Variants in ASTN2 observed in about 807,000 individuals in gnomAD.
The protein encoded by ASTN2 is astrotactin 2, also known as astrotactin-2.
A neutral mutation model predicts 139.8 loss-of-function variants in ASTN2; 54 were observed. The ratio of observed to expected loss-of-function variants is 0.39; its 90% CI spans 0.31 to 0.48. ASTN2 has a LOEUF of 0.48. Among genes scored for constraint, ASTN2 ranks in the 20% least tolerant of loss-of-function variants. The pLI is 0.95. For synonymous variants in ASTN2, 756 were observed against 719.5 expected, an observed-to-expected ratio of 1.05 and a Z score of -0.81; for missense variants, 1,565 against 1,725.1, an observed-to-expected ratio of 0.91 and a Z score of 1.64.
chr9:116,545,565 CCA>C (rs1852057692), intron 19 of ASTN2, among the ~76,000 whole-genome samples: 1 of 152,142 alleles, frequency 6.6e-6, no homozygotes, highest in Non-Finnish European at 1.5e-5. Context: ...TGAGGTCTAA[CCA>C]CAGTTTCCTT....
chr9:116,985,436 C>T (rs1352146681), intron 7 of ASTN2, among the ~76,000 whole-genome samples: 1 of 152,204 alleles, frequency 6.6e-6, no homozygotes, highest in Non-Finnish European at 1.5e-5. Context: ...CTCATGTGGA[C>T]AGTCCATACG....
intron 1 of ASTN2, among the ~76,000 whole-genome samples, chr9:117,372,000 C>T (rs149076187): frequency 3.2e-4 from 49 of 152,268 alleles, no homozygotes; most frequent in Non-Finnish European, 5.9e-4. Context: ...CTTCCCTTCT[C>T]TCATTTGTGA....
intron 1 of ASTN2, among the ~76,000 whole-genome samples, chr9:117,299,135 AAAC>A (rs1285069728): frequency 6.6e-6 from 1 of 152,206 alleles, no homozygotes; most frequent in Non-Finnish European, 1.5e-5. Context: ...GTATGTGTAT[AAAC>A]AGCTGGAAAA....
intron 19 of ASTN2, among the ~76,000 whole-genome samples, chr9:116,604,571 T>C (rs1226925031): frequency 6.6e-6 from 1 of 152,148 alleles, no homozygotes; most frequent in African/African-American, 2.4e-5. Flanking sequence ...GTTTCTCAGA[T>C]GAACAGCATG....
chr9:116,482,251 G>A (rs572680411), intron 20 of ASTN2, among the ~76,000 whole-genome samples: 2 of 152,136 alleles, frequency 1.3e-5, no homozygotes, highest in African/African-American at 2.4e-5. Flanking sequence ...GCGTGAACCC[G>A]GGAGGTGGAG....
At chr9:117,344,145 C>T (rs1019776082) in intron 1 of ASTN2, among the ~76,000 whole-genome samples, 6 of 151,806 alleles carry the variant, frequency 4.0e-5, no homozygotes, top group East Asian at 1.9e-4. Context: ...GCCTGAAAAA[C>T]GATGCCAGAA....
chr9:117,324,229 C>A (rs1010995179), intron 1 of ASTN2, among the ~76,000 whole-genome samples: 6 of 152,102 alleles, frequency 3.9e-5, no homozygotes, highest in African/African-American at 1.4e-4. Flanking sequence ...AAAAGTGTTC[C>A]AGCCAAGGTG....
At chr9:117,196,238 C>T (rs1225579368) in intron 3 of ASTN2, among the ~76,000 whole-genome samples, 1 of 152,126 alleles carries the variant, frequency 6.6e-6, no homozygotes, top group Non-Finnish European at 1.5e-5. Flanking sequence ...TTAGTACACA[C>T]CTCATAGGGT....
intron 19 of ASTN2, chr9:116,585,200 C>T (rs1854099937): frequency 6.6e-6 from 1 of 152,166 alleles, no homozygotes; most frequent in Admixed American, 6.5e-5. Flanking sequence ...TCAGATAGAC[C>T]TGGATTCAAA....
At position 117,103,877 on chromosome 9, in the gene ASTN2, T is replaced by C. The variant is rs115359369; in HGVS notation, c.1169-7726A>G. Among the ~76,000 whole-genome samples, 614 of 152,204 alleles carry C rather than the reference T, an allele frequency of 4.0e-3. 5 individuals are homozygous for C. Among genetic ancestry groups the C allele is most frequent in the African/African-American group, 0.014 (593 of 41,528 alleles). ...TCCCACACCCCCTATACCACACAAC[T>C]CACAATTGCTCTGAGCTCTAGAGCT... On this transcript the variant is annotated intron_variant, in intron 4 of 22. Coordinates refer to ENST00000313400, the MANE Select transcript of ASTN2 (RefSeq NM_001365068.1).
At chr9:116,456,227 A>G (rs1055971970) in intron 20 of ASTN2, among the ~76,000 whole-genome samples, 4 of 152,188 alleles carry the variant, frequency 2.6e-5, no homozygotes, top group African/African-American at 9.6e-5. Flanking sequence ...AATAATGAAC[A>G]GTCTGAAAAA....
chr9:117,208,984 C>T (rs1217138051), intron 3 of ASTN2, among the ~76,000 whole-genome samples: 4 of 152,106 alleles, frequency 2.6e-5, no homozygotes, highest in South Asian at 4.1e-4. Context: ...TGAAGTCTTA[C>T]AACTGGAAGT....
At chr9:117,211,763 CTA>C (rs1564481384) in intron 3 of ASTN2, among the ~76,000 whole-genome samples, 2 of 152,014 alleles carry the variant, frequency 1.3e-5, no homozygotes, top group African/African-American at 4.8e-5. Flanking sequence ...CATAAACAAA[CTA>C]GCTGAAAAAG....
At chr9:116,843,271 G>A (rs1346431585) in intron 11 of ASTN2, among the ~76,000 whole-genome samples, 1 of 152,166 alleles carries the variant, frequency 6.6e-6, no homozygotes, top group Non-Finnish European at 1.5e-5. Flanking sequence ...AAAAAATCAT[G>A]TCCTTTGCAG....
intron 6 of ASTN2, among the ~76,000 whole-genome samples, chr9:117,022,742 G>A (rs994696553): frequency 9.9e-5 from 15 of 152,224 alleles, no homozygotes; most frequent in African/African-American, 3.1e-4. Flanking sequence ...GAAGACGATT[G>A]TCAGCTGGGA....
chr9:117,222,745 T>C (rs1215373393), intron 2 of ASTN2, among the ~76,000 whole-genome samples: 1 of 152,178 alleles, frequency 6.6e-6, no homozygotes, highest in Non-Finnish European at 1.5e-5. Flanking sequence ...GGAATTTCTT[T>C]ATCCTCTGCA....
chr9:116,747,942 C>T (rs1829292099), intron 13 of ASTN2, among the ~76,000 whole-genome samples: 1 of 152,112 alleles, frequency 6.6e-6, no homozygotes, highest in African/African-American at 2.4e-5. Context: ...TCTCCTTGGC[C>T]ACTTCGCCCT....
intron 2 of ASTN2, among the ~76,000 whole-genome samples, chr9:117,220,675 A>C (rs1832484242): frequency 6.6e-6 from 1 of 152,164 alleles, no homozygotes; most frequent in Non-Finnish European, 1.5e-5. Flanking sequence ...GGCATGGGAC[A>C]GATTCTCCCT....
chr9:116,434,788 GTCT>G (rs1296677080), intron 22 of ASTN2, among the ~76,000 whole-genome samples: 1 of 152,162 alleles, frequency 6.6e-6, no homozygotes, highest in African/African-American at 2.4e-5. Context: ...GTGTCAGTGC[GTCT>G]TCTTTGAGCA....
Sources: gnomAD v4.1 joint callset for allele counts (sites outside exome capture counted in the v4.1 genomes callset) on GRCh38, gnomAD v4.1.1 for gene constraint, MANE v1.5 for transcripts, NCBI Gene and HGNC (gene_info 2026-07-23, HGNC 2026-07-21) for gene names.